Variants in HMBOX1 observed in about 807,000 individuals in gnomAD.
HMBOX1 encodes the protein homeobox-containing protein 1.
In HMBOX1, 14 loss-of-function variants were observed where a neutral mutation model predicts 54.5. The ratio of observed to expected loss-of-function variants is 0.26; its 90% CI spans 0.17 to 0.40. HMBOX1 has a LOEUF of 0.40. Ranked by LOEUF, HMBOX1 falls within the 10% of genes least tolerant of loss-of-function variation. The pLI, the probability that HMBOX1 is intolerant of heterozygous loss-of-function variation, is 1.00. For missense variants in HMBOX1, 332 were observed against 514.4 expected (o/e 0.65, Z 3.43); for synonymous variants, 160 against 181.0 (o/e 0.88, Z 0.93).
chr8:28,979,278 TC>T (rs1330463379), intron 3 of HMBOX1, among the ~76,000 whole-genome samples: 1 of 152,224 alleles, frequency 6.6e-6, no homozygotes, highest in Non-Finnish European at 1.5e-5. Context: ...AAAACAGAAG[TC>T]TTGCCACTCA....
chr8:28,972,565 T>C lies in HMBOX1; in HGVS notation c.500+2046T>C, dbSNP rs569025044. Among the ~76,000 whole-genome samples, 5 of 152,356 alleles carry C rather than the reference T, an allele frequency of 3.3e-5. No homozygotes were observed. In the South Asian group the frequency reaches 1.0e-3, roughly 32 times the overall value. ...GAAATGTAACAAGATTAGCTTTTAA[T>C]TATTCTAAGTAGAGAGGATATCAAC... On this transcript the variant is annotated intron_variant, in intron 3 of 9. Transcript: ENST00000287701.
At chr8:28,945,034 A>C (rs1485706385) in intron 1 of HMBOX1, among the ~76,000 whole-genome samples, 1 of 152,190 alleles carries the variant, frequency 6.6e-6, no homozygotes, top group Non-Finnish European at 1.5e-5. Context: ...ACTCAAAAGC[A>C]AGTGTTCTCA....
At chr8:29,035,787 G>A (rs913280262) in intron 6 of HMBOX1, among the ~76,000 whole-genome samples, 2 of 152,084 alleles carry the variant, frequency 1.3e-5, no homozygotes, top group African/African-American at 4.8e-5. Flanking sequence ...TAAATTCAGC[G>A]GTAGTCAAAA....
intron 1 of HMBOX1, among the ~76,000 whole-genome samples, chr8:28,899,674 G>A (rs1812837004): frequency 6.6e-6 from 1 of 152,150 alleles, no homozygotes; most frequent in Admixed American, 6.5e-5. Flanking sequence ...GAAAGGAACT[G>A]GAGCTTTTTA....
At chr8:29,047,755 T>TG (rs932123652) in intron 8 of HMBOX1, among the ~76,000 whole-genome samples, 4 of 151,882 alleles carry the variant, frequency 2.6e-5, no homozygotes, top group African/African-American at 9.7e-5. Flanking sequence ...TTAGTAGAGA[T>TG]GGGGTGTCTC....
intron 6 of HMBOX1, among the ~76,000 whole-genome samples, chr8:29,034,582 G>T (rs1803541212): frequency 6.6e-6 from 1 of 152,210 alleles, no homozygotes; most frequent in African/African-American, 2.4e-5. Context: ...TGAGGGCCAG[G>T]CACGGTGGCT....
chr8:29,039,709 G>T (rs1804541670), intron 6 of HMBOX1, among the ~76,000 whole-genome samples: 1 of 151,938 alleles, frequency 6.6e-6, no homozygotes, highest in Non-Finnish European at 1.5e-5. Flanking sequence ...TTTTTTCTGA[G>T]CAACTACTAT....
intron 1 of HMBOX1, among the ~76,000 whole-genome samples, chr8:28,938,482 A>T (rs1820767084): frequency 6.6e-6 from 1 of 152,066 alleles, no homozygotes; most frequent in Non-Finnish European, 1.5e-5. Context: ...TCATTAGCTT[A>T]GACTGGAATA....
chr8:29,000,611 T>C (rs1212241849), intron 4 of HMBOX1, among the ~76,000 whole-genome samples: 1 of 152,258 alleles, frequency 6.6e-6, no homozygotes, highest in Non-Finnish European at 1.5e-5. Flanking sequence ...AGAGAGAAGC[T>C]ATTCACACTG....
At chr8:28,944,685 C>G (rs1822096675) in intron 1 of HMBOX1, among the ~76,000 whole-genome samples, 1 of 152,074 alleles carries the variant, frequency 6.6e-6, no homozygotes, top group South Asian at 2.1e-4. Context: ...AATCATTTTT[C>G]CTCTTCCTCT....
intron 1 of HMBOX1, among the ~76,000 whole-genome samples, chr8:28,952,304 A>T (rs1378194890): frequency 6.6e-6 from 1 of 151,720 alleles, no homozygotes; most frequent in Admixed American, 6.6e-5. Flanking sequence ...CATGATCTTG[A>T]CTCACTGCAG....
intron 1 of HMBOX1, among the ~76,000 whole-genome samples, chr8:28,933,350 C>T (rs536967740): frequency 6.6e-6 from 1 of 152,126 alleles, no homozygotes; most frequent in African/African-American, 2.4e-5. Context: ...ATTCAGAGAC[C>T]TGTCAACTAA....
intron 4 of HMBOX1, among the ~76,000 whole-genome samples, chr8:28,996,105 C>CA (rs968720557): frequency 2.6e-4 from 38 of 143,906 alleles, no homozygotes; most frequent in South Asian, 8.8e-4. Context: ...GACTCCATCT[C>CA]AAAAAAAAAA....
At chr8:28,974,770 A>G (rs921788028) in intron 3 of HMBOX1, among the ~76,000 whole-genome samples, 5 of 152,222 alleles carry the variant, frequency 3.3e-5, no homozygotes, top group African/African-American at 1.2e-4. Context: ...TTATTCAAAC[A>G]TGAAAGAAAT....
At chr8:28,961,902 T>G (rs1256631849) in intron 1 of HMBOX1, among the ~76,000 whole-genome samples, 23 of 140,996 alleles carry the variant, frequency 1.6e-4, no homozygotes, top group African/African-American at 2.3e-4. Context: ...TTATTTTTTT[T>G]TTTTTTTTTT....
chr8:28,952,172 AAAAG>A (rs1823559894), intron 1 of HMBOX1, among the ~76,000 whole-genome samples: 1 of 151,258 alleles, frequency 6.6e-6, no homozygotes, highest in Non-Finnish European at 1.5e-5. Context: ...AAAAAAAAAA[AAAAG>A]AAAAAGAAAA....
chr8:29,014,976 G>A (rs564422757), intron 5 of HMBOX1, among the ~76,000 whole-genome samples: 3 of 152,144 alleles, frequency 2.0e-5, no homozygotes, highest in East Asian at 3.9e-4. Flanking sequence ...CACCGCGCCC[G>A]GCCTTGATTT....
At position 29,051,639 on chromosome 8, in the gene HMBOX1, C is replaced by A; in HGVS notation, c.*484C>A. The A allele has an allele frequency of 1.4e-6, 1 of 702,596 alleles. No individual in the cohort carries two copies. The highest frequency in any genetic ancestry group is 2.6e-6 in the Non-Finnish European group (1 of 384,738). The allele number at this position is 702,596 out of a possible 1,614,324, so 43.5% of individuals were successfully genotyped here. A position where few individuals can be genotyped will look rare whatever the true frequency, so the allele number is the denominator to read the frequency against. On this transcript the variant is annotated 3_prime_UTR_variant, in exon 10 of 10. Transcript: ENST00000287701. ...CACAGAGTCAAAGGAACACTAGAAT[C>A]CCCACCTCAGCGTGAGGATAATTGA...
chr8:28,950,357 A>G (rs1042920315), intron 1 of HMBOX1, among the ~76,000 whole-genome samples: 2 of 152,222 alleles, frequency 1.3e-5, no homozygotes, highest in African/African-American at 4.8e-5. Context: ...TTTGGGAACA[A>G]TTGCACTAAA....
Sources: allele counts gnomAD v4.1 joint callset (sites outside exome capture counted in the v4.1 genomes callset), GRCh38; gene constraint gnomAD v4.1.1; transcripts MANE v1.5; gene names NCBI Gene and HGNC (gene_info 2026-07-23, HGNC 2026-07-21).